The following ACYP2 variants were observed in gnomAD, a reference collection of about 807,000 sequenced individuals.
ACYP2 encodes the protein acylphosphatase-2.
Under a neutral mutation model 11.2 loss-of-function variants are expected in ACYP2, and 12 were observed. That is an observed-to-expected ratio of 1.08 (90% confidence interval 0.69 to 1.74). The LOEUF (loss-of-function observed/expected upper bound fraction) is 1.74, where lower values mean the gene tolerates loss of function less well. Among genes scored for constraint, ACYP2 ranks in the 40% most tolerant of loss-of-function variants. The probability of loss-of-function intolerance (pLI) is 0.00; values close to 1 mark genes in which losing one functional copy is unlikely to be tolerated. For synonymous variants in ACYP2, 43 were observed against 32.2 expected (o/e 1.33, Z -1.13); for missense variants, 134 against 101.9 (o/e 1.31, Z -1.35).
At chr2:54,112,419 T>A (rs1281216235) in intron 4 of ACYP2, among the ~76,000 whole-genome samples, 4 of 151,388 alleles carry the variant, frequency 2.6e-5, no homozygotes, top group Admixed American at 6.6e-5. Context: ...TATATTTAAA[T>A]TGGCACAGCC....
At chr2:54,095,580 C>A (rs1444229768) in intron 4 of ACYP2, among the ~76,000 whole-genome samples, 1 of 149,754 alleles carries the variant, frequency 6.7e-6, no homozygotes, top group African/African-American at 2.5e-5. Context: ...CACCACCTCC[C>A]TCCCGGACGG....
chr2:53,987,358 TAAA>T (rs758401897), intron 2 of ACYP2, among the ~76,000 whole-genome samples: 3 of 137,438 alleles, frequency 2.2e-5, no homozygotes, highest in African/African-American at 2.7e-5. Flanking sequence ...TATACAAAGT[TAAA>T]AAAAAAAAAA....
intron 4 of ACYP2, among the ~76,000 whole-genome samples, chr2:54,121,965 C>T (rs897808944): frequency 1.3e-5 from 2 of 152,186 alleles, no homozygotes; most frequent in African/African-American, 4.8e-5. Context: ...AGTGTGATGG[C>T]TGTTTTAACT....
intron 6 of ACYP2, among the ~76,000 whole-genome samples, chr2:54,278,852 G>C (rs546824416): frequency 4.3e-4 from 65 of 152,120 alleles, no homozygotes; most frequent in African/African-American, 1.5e-3. Flanking sequence ...TCAGTATATA[G>C]ATGCTGCTGT....
intron 6 of ACYP2, chr2:54,254,061 G>A (rs1687362980): frequency 6.6e-6 from 1 of 152,208 alleles, no homozygotes; most frequent in South Asian, 2.1e-4. Context: ...CCTAGATTTT[G>A]AATGAATCCA....
intron 4 of ACYP2, among the ~76,000 whole-genome samples, chr2:54,095,663 G>C (rs1233167433): frequency 2.2e-5 from 3 of 138,372 alleles, no homozygotes; most frequent in African/African-American, 8.3e-5. Context: ...GCGGGGGGCT[G>C]ACCCCCCCAC....
intron 4 of ACYP2, among the ~76,000 whole-genome samples, chr2:54,099,333 T>A (rs1118618): frequency 6.6e-6 from 1 of 152,030 alleles, no homozygotes; most frequent in African/African-American, 2.4e-5. Context: ...GTATACAACA[T>A]GTTGTTATTA....
intron 6 of ACYP2, among the ~76,000 whole-genome samples, chr2:54,139,477 AG>A (rs778896193): frequency 1.3e-5 from 2 of 152,216 alleles, no homozygotes; most frequent in South Asian, 4.1e-4. Flanking sequence ...CGTTTTCAAA[AG>A]CCTTGTGTTT....
At chr2:54,197,400 C>T (rs1385274) in intron 6 of ACYP2, among the ~76,000 whole-genome samples, 40,968 of 152,062 alleles carry the variant, frequency 0.27, 5,719 homozygotes, top group South Asian at 0.44. Flanking sequence ...GGCATGAACC[C>T]CCTTTCCCTT....
chr2:54,065,690 G>T (rs1676708197), intron 4 of ACYP2: 1 of 393,840 alleles, frequency 2.5e-6, no homozygotes, highest in South Asian at 1.4e-4. Flanking sequence ...ACACATATTG[G>T]TGAATAAAAT....
At chr2:54,166,405 T>C (rs1682977435) in intron 6 of ACYP2, among the ~76,000 whole-genome samples, 2 of 152,152 alleles carry the variant, frequency 1.3e-5, no homozygotes, top group Admixed American at 1.3e-4. Context: ...CAGAAGAATG[T>C]GTATACAGAA....
chr2:54,239,269 C>G (rs574430221), intron 6 of ACYP2, among the ~76,000 whole-genome samples: 1 of 152,120 alleles, frequency 6.6e-6, no homozygotes, highest in Non-Finnish European at 1.5e-5. Context: ...CCAGGAATGT[C>G]TCAAAGGGAT....
intron 6 of ACYP2, among the ~76,000 whole-genome samples, chr2:54,243,843 G>A (rs1455273377): frequency 6.6e-6 from 1 of 152,000 alleles, no homozygotes; most frequent in Non-Finnish European, 1.5e-5. Flanking sequence ...CCAAAGTGCT[G>A]GAATTACTGG....
At chr2:54,301,302 A>T (rs952555296) in intron 6 of ACYP2, among the ~76,000 whole-genome samples, 2 of 152,200 alleles carry the variant, frequency 1.3e-5, no homozygotes, top group Non-Finnish European at 2.9e-5. Flanking sequence ...CCAAAACACT[A>T]ATGTCTTCCT....
In ACYP2 at chr2:54,201,636, C is replaced by CTTTCTTTCTCTTTCTTTCTTTCTT. The variant is rs59874821; in HGVS notation, c.404+62889_404+62890insTTCTTTCTCTTTCTTTCTTTCTTT. 4.6e-4 allele frequency among the ~76,000 whole-genome samples: 43 copies of CTTTCTTTCTCTTTCTTTCTTTCTT among 93,694 alleles called. 1 individual carries two copies. Among genetic ancestry groups the CTTTCTTTCTCTTTCTTTCTTTCTT allele is most frequent in the Admixed American group, 1.9e-3 (17 of 8,946 alleles). The allele number at this position is 93,694 out of a possible 152,430, so 61.5% of individuals were successfully genotyped here. ...TCTTTCTTTCTTTGTTTCTTTCTTT[C>CTTTCTTTCTCTTTCTTTCTTTCTT]TCTTTCTTTCTTTCTTTCTTTCTTT... On this transcript the variant is annotated intron_variant, in intron 6 of 6. Coordinates refer to ENST00000607452, the MANE Select transcript of ACYP2 (RefSeq NM_001320586.2).
At chr2:54,096,830 A>AGGGAGAGGGAGACCGTG (rs1428329245) in intron 4 of ACYP2, among the ~76,000 whole-genome samples, 7,402 of 151,434 alleles carry the variant, frequency 0.049, 366 homozygotes, top group East Asian at 0.29. Flanking sequence ...GTGGAAAGAG[A>AGGGAGAGGGAGACCGTG]GGGAGAGGGA....
chr2:54,116,983 A>G (rs1250564330), intron 4 of ACYP2, among the ~76,000 whole-genome samples: 1 of 152,142 alleles, frequency 6.6e-6, no homozygotes, highest in Admixed American at 6.5e-5. Context: ...GTGACTCAGG[A>G]TGGAGCAGGT....
rs1420858537 is a variant in ACYP2 at position 54,274,206 on chromosome 2, G to A, written c.405-30482G>A. 3.9e-5 allele frequency among the ~76,000 whole-genome samples: 6 copies of A among 152,170 alleles called. No homozygotes were observed. The East Asian group carries it at 1.2e-3, about 29-fold the overall frequency. ...GGCAGCAGGCAAGAAAAGAGAGCTT[G>A]TGCAGTAAAACTCCCCCTTATAATA... On this transcript the variant is annotated intron_variant, in intron 6 of 6. Transcript: ENST00000607452.
At chr2:54,005,499 C>G (rs1245664642) in intron 2 of ACYP2, among the ~76,000 whole-genome samples, 1 of 152,128 alleles carries the variant, frequency 6.6e-6, no homozygotes, top group African/African-American at 2.4e-5. Flanking sequence ...GCCACCAAAC[C>G]TGGCTAATTT....
Sources: gnomAD v4.1 joint callset for allele counts (sites outside exome capture counted in the v4.1 genomes callset) on GRCh38, gnomAD v4.1.1 for gene constraint, MANE v1.5 for transcripts, NCBI Gene and HGNC (gene_info 2026-07-23, HGNC 2026-07-21) for gene names.